OPLAH: variants seen among roughly 807,000 people sequenced by gnomAD.
OPLAH encodes the protein 5-oxoprolinase, ATP-hydrolysing.
OPLAH carries 103 observed loss-of-function variants against 122.8 expected under a neutral mutation model. The observed-to-expected ratio is 0.84, with a 90% confidence interval of 0.71 to 0.99. The LOEUF is 0.99. Among genes scored for constraint, OPLAH ranks in the 50% least tolerant of loss-of-function variants. The pLI, the probability that OPLAH is intolerant of heterozygous loss-of-function variation, is 0.00. For missense variants in OPLAH, 1,902 were observed against 1,836.5 expected (o/e 1.04, Z -0.65); for synonymous variants, 875 against 796.0 (o/e 1.10, Z -1.67).
chr8:144,056,926 C>T, intron 12 of OPLAH, 22 bp downstream of exon 12: 1 of 1,557,566 alleles, frequency 6.4e-7, no homozygotes, highest in Non-Finnish European at 8.7e-7. Context: ...AGCCCTCTGT[C>T]CAGGGCACCC....
At chr8:144,063,471 C>T (rs758685068), upstream of OPLAH, among the ~76,000 whole-genome samples, 13 of 152,226 alleles carry the variant, frequency 8.5e-5, no homozygotes, top group Non-Finnish European at 1.3e-4. This position sits in a 1 kb window ranked among gnomAD's most constrained non-coding sequence, Gnocchi z 4.2. Context: ...CTTGCACCCA[C>T]CTCAGGGCCT....
rs782018435 is a variant in OPLAH at position 144,056,393 on chromosome 8, C to T, written c.1975G>A (p.Val659Met). 38 of 1,604,212 alleles carry T rather than the reference C, an allele frequency of 2.4e-5. No homozygotes were observed. The highest frequency in any genetic ancestry group is 3.1e-5 in the Non-Finnish European group (37 of 1,176,060). Reference protein sequence around the residue: ...APKAQTGPPRVDKMTQCYFEG... With the variant: ...APKAQTGPPRMDKMTQCYFEG... ...CAGGCAGGACCACCAACCTTGTCCA[C>T]CCGGGGAGGCCCGGTCTGGGCTTTG... The change falls in exon 14 of 27, where the codon GTG becomes ATG. Residue 659 changes from valine (V) to methionine (M), a missense_variant. This residue lies in a region of OPLAH where 1,726 missense variants were observed against 1,642.1 expected (regional missense o/e 1.05). Transcript: ENST00000618853.
rs781796234 is a variant in OPLAH at position 144,058,475 on chromosome 8, G to A, written c.783+21C>T. On this transcript the variant is annotated intron_variant, in intron 6 of 26. Coordinates refer to ENST00000618853, the MANE Select transcript of OPLAH (RefSeq NM_017570.5). Reference sequence around the variant, plus strand: ...AGGCCCAGGCCCAGGAGTGGGCAGTGGGGGTGCCTCACAGCCTCACCTTGA... The same window carrying A: ...AGGCCCAGGCCCAGGAGTGGGCAGTAGGGGTGCCTCACAGCCTCACCTTGA... 2.5e-6 allele frequency: 4 copies of A among 1,576,278 alleles called. No homozygotes were observed. The East Asian group carries it at 6.7e-5, about 27-fold the overall frequency.
In OPLAH at chr8:144,052,723, A is replaced by G. The variant is rs1455528955; in HGVS notation, c.3153+43T>C. On this transcript the variant is annotated intron_variant, in intron 22 of 26. Transcript: ENST00000618853. ...GGGCCCAGGAGGCGCACTCAGGGTG[A>G]CCTCGGGCTGGGGCCCCCCCTCGCG... The G allele has an allele frequency of 7.1e-6, 11 of 1,552,206 alleles. 1 individual carries two copies. The Middle Eastern group carries it at 7.3e-4, about 103-fold the overall frequency.
chr8:144,053,595 G>A (rs1387663796), intron 19 of OPLAH, among the ~76,000 whole-genome samples: 2 of 152,054 alleles, frequency 1.3e-5, no homozygotes, highest in African/African-American at 2.4e-5. Flanking sequence ...TCTGCAGTGT[G>A]CCTGTGCATG....
intron 9 of OPLAH, 65 bp from the exon 10 acceptor site, chr8:144,057,778 G>T: frequency 1.2e-6 from 2 of 1,609,316 alleles, no homozygotes; most frequent in Admixed American, 1.7e-5. Flanking sequence ...AGGCAGCAGG[G>T]ATAGGGCTGA....
At position 144,057,456 on chromosome 8, in the gene OPLAH, G is replaced by A. The variant is rs1554759573; in HGVS notation, c.1414C>T (p.Leu472Phe). The A allele has an allele frequency of 6.3e-7, 1 of 1,587,250 alleles. No individual in the cohort carries two copies. Among genetic ancestry groups the A allele is most frequent in the Admixed American group, 1.8e-5 (1 of 55,654 alleles). Residue 472 changes from leucine (L) to phenylalanine (F), a missense_variant, in exon 10 of 27, where the codon CTC becomes TTC. Leu to Phe is a conservative substitution (Grantham distance 22, BLOSUM62 0). Coordinates refer to ENST00000618853, the MANE Select transcript of OPLAH (RefSeq NM_017570.5). ...AGCAGAGGTGGACGTACCTGCGTGA[G>A]TGCACGGATGGGCCGGCACATGGCC... ...NEAMCRPIRA[L>F]TQARGHDPSA...
rs782808832 is a variant in OPLAH, at chr8:144,057,530, G to A, written c.1340C>T (p.Pro447Leu). Residue 447 changes from proline (P) to leucine (L), a missense_variant, in exon 10 of 27, where the codon CCG (proline) becomes CTG (leucine). Pro to Leu is a moderately conservative substitution (Grantham distance 98). Around this residue, in one of 3 missense-constraint regions of OPLAH, gnomAD observed 1,726 missense variants for 1,642.1 expected, o/e 1.05. Transcript: ENST00000618853. ...CATGGCCACCTCCTCCAGGCTCAGC[G>A]GGGAGGCCGGGCAGGGCCCGTTGGT... ...FLTNGPCPAS[P>L]LSLEEVAMGF... 52 of 1,596,494 alleles carry A rather than the reference G, an allele frequency of 3.3e-5. No homozygotes were observed. The highest frequency in any genetic ancestry group is 1.6e-4 in the Admixed American group (9 of 57,324).
Position 144,051,461 on chromosome 8 carries a change from A to T in OPLAH, c.3732T>A (p.Cys1244Ter), listed in dbSNP as rs1554757625. ...SVTVYPGDVF[C>*]LHTPGGGGYG... ...AGCCACCGCCGCCGGGCGTGTGGAG[A>T]CAGAACACATCCTGTTGGCGCGGGG... The change falls in exon 27 of 27, where the codon TGT becomes TGA. Residue 1244 changes from cysteine to a stop codon, truncating the protein, a stop_gained. Transcript: ENST00000618853. LOFTEE classifies it high-confidence loss of function. 1 of 1,393,610 alleles carries T rather than the reference A, an allele frequency of 7.2e-7. No individual in the cohort carries two copies. The highest frequency in any genetic ancestry group is 9.5e-7 in the Non-Finnish European group (1 of 1,055,404). The allele number at this position is 1,393,610 out of a possible 1,614,324, so 86.3% of individuals were successfully genotyped here.
rs1554757949 is a variant in OPLAH at position 144,052,567 on chromosome 8, G to A, written c.3185C>T (p.Pro1062Leu). 6 of 1,597,130 alleles carry A rather than the reference G, an allele frequency of 3.8e-6. No homozygotes were observed. Among genetic ancestry groups the A allele is most frequent in the Middle Eastern group, 1.7e-4 (1 of 5,960 alleles). ...CGACGGGTCCAGGATGGAGCCTCGG[G>A]GAATGACCACGCGCACTGGCGCCAG... ...GCLAPVRVVI[P>L]RGSILDPSPE... Residue 1062 changes from proline to leucine, a missense_variant, in exon 23 of 27, where the codon CCC (proline) becomes CTC (leucine). By Grantham distance (98) the Pro-to-Leu change is moderately conservative. Transcript: ENST00000618853.
Position 144,058,317 on chromosome 8 carries a change from C to T in OPLAH, c.871G>A (p.Ala291Thr), listed in dbSNP as rs1554759933. The T allele has an allele frequency of 6.2e-7, 1 of 1,603,368 alleles. No homozygotes were observed. The highest frequency in any genetic ancestry group is 1.3e-5 in the African/African-American group (1 of 74,872). The part of the protein sequence containing the change: ...SGSSAVLSGP[A>T]GGVVGYSATT... ...GCTGAGTAGCCCACCACGCCGCCGG[C>T]CGGGCCCGAGAGCACAGCACTGGAG... is the stretch of plus-strand genomic sequence containing the variant. The change falls in exon 7 of 27, where the codon GCC (alanine) becomes ACC (threonine). Residue 291 changes from alanine (A) to threonine (T), a missense_variant. Physicochemically the swap from Ala to Thr is moderately conservative, Grantham distance 58. Transcript: ENST00000618853.
chr8:144,053,328 C>T lies in OPLAH; in HGVS notation c.2752G>A (p.Asp918Asn), dbSNP rs1480839952. Residue 918 changes from aspartate to asparagine, a missense_variant, in exon 20 of 27, where the codon GAC becomes AAC. This residue lies in a region of OPLAH where 1,726 missense variants were observed against 1,642.1 expected (regional missense o/e 1.05). Transcript: ENST00000618853. ...TGGGCACGGAGGTCCGACAGGTTGT[C>T]GTGCAGGTTTCTGGTTCCGCTGCAG... is the stretch of plus-strand genomic sequence containing the variant. ...PNCSGTRNLH[D>N]NLSDLRAQVA... The T allele has an allele frequency of 5.0e-6, 8 of 1,612,782 alleles. No individual in the cohort carries two copies. Among genetic ancestry groups the T allele is most frequent in the Non-Finnish European group, 5.1e-6 (6 of 1,179,786 alleles).
intron 8 of OPLAH, 22 bp from the exon 9 acceptor site, chr8:144,057,945 G>A: frequency 6.2e-7 from 1 of 1,611,970 alleles, no homozygotes; most frequent in Non-Finnish European, 8.5e-7. Context: ...AAGGGCTGGG[G>A]TTGGAGTTGG....
chr8:144,051,274 G>C lies in OPLAH; in HGVS notation c.*52C>G. 1 of 1,604,570 alleles carries C rather than the reference G, an allele frequency of 6.2e-7. No homozygotes were observed. Among genetic ancestry groups the C allele is most frequent in the Non-Finnish European group, 8.5e-7 (1 of 1,176,776 alleles). On this transcript the variant is annotated 3_prime_UTR_variant, in exon 27 of 27. Coordinates refer to ENST00000618853, the MANE Select transcript of OPLAH (RefSeq NM_017570.5). ...CGACTCGGAGCACGAACTAGGCGCCGTAGCTGCGTCCCCAGAACCGGGAGA... is the reference window on the plus strand; with the variant it reads ...CGACTCGGAGCACGAACTAGGCGCCCTAGCTGCGTCCCCAGAACCGGGAGA...
rs1835375190 is a variant in OPLAH at position 144,051,492 on chromosome 8, C to CGG, written c.3721-22_3721-21dup. The CGG allele has an allele frequency of 4.8e-6, 2 of 414,478 alleles. No homozygotes were observed. Among genetic ancestry groups the CGG allele is most frequent in the African/African-American group, 9.1e-5 (2 of 21,984 alleles). The allele number at this position is 414,478 out of a possible 1,614,324, so 25.7% of individuals were successfully genotyped here. On this transcript the variant is annotated intron_variant, in intron 26 of 26. Coordinates refer to ENST00000618853, the MANE Select transcript of OPLAH (RefSeq NM_017570.5). Reference sequence around the variant, plus strand: ...CACATCCTGTTGGCGCGGGGGGGGGCGGGGAGGCGGGCTCAGTGCAGGCGT... The same window carrying CGG: ...CACATCCTGTTGGCGCGGGGGGGGGCGGGGGGAGGCGGGCTCAGTGCAGGCGT...
rs1835439297 is a variant in OPLAH, at chr8:144,053,470, A to G, written c.2687-77T>C. 20 of 1,417,598 alleles carry G rather than the reference A, an allele frequency of 1.4e-5. 1 individual carries two copies. In the South Asian group the frequency reaches 2.6e-4, roughly 19 times the overall value. 87.8% of individuals were successfully genotyped at this position (1,417,598 alleles called of 1,614,324 possible). A position where few individuals can be genotyped will look rare whatever the true frequency, so the allele number is the denominator to read the frequency against. On this transcript the variant is annotated intron_variant, in intron 19 of 26. Transcript: ENST00000618853. ...CAACCCAGGTTTCCCAGATCCAGAC[A>G]AGGTCTCTGGCCCCTAGAAAGCACC... is the stretch of plus-strand genomic sequence containing the variant.
rs1554760604 is a variant in OPLAH at position 144,060,146 on chromosome 8, C to T, written c.-53-61G>A. 4 of 1,219,640 alleles carry T rather than the reference C, an allele frequency of 3.3e-6. No homozygotes were observed. The African/African-American group carries it at 6.1e-5, about 19-fold the overall frequency. The allele number at this position is 1,219,640 out of a possible 1,614,324, so 75.6% of individuals were successfully genotyped here. On this transcript the variant is annotated intron_variant, in intron 1 of 26. Transcript: ENST00000618853. ...GAGTGGGACTAGAGGCTCCCCAGCC[C>T]TGCGCATGCGGGGGGTTCCTGAGGG...
Position 144,051,797 on chromosome 8 carries a change from G to C in OPLAH, c.3652C>G (p.Leu1218Val), listed in dbSNP as rs1554757721. 2 of 1,604,072 alleles carry C rather than the reference G, an allele frequency of 1.2e-6. No individual in the cohort carries two copies. The highest frequency in any genetic ancestry group is 4.5e-5 in the East Asian group (2 of 44,550). The change falls in exon 26 of 27, where the codon CTG (leucine) becomes GTG (valine). Residue 1218 changes from leucine (L) to valine (V), a missense_variant. Transcript: ENST00000618853. ...GGEPGARGLN[L>V]LIRKNGRTVN... ...GTCCGGCCGTTTTTGCGGATCAGCA[G>C]GTTTAGGCCGCGGGCGCCAGGCTCG...
In OPLAH at chr8:144,052,466, C is replaced by T. The variant is rs782051571; in HGVS notation, c.3286G>A (p.Ala1096Thr). 7 of 1,544,914 alleles carry T rather than the reference C, an allele frequency of 4.5e-6. No homozygotes were observed. The Admixed American group carries it at 1.4e-4, about 30-fold the overall frequency. Residue 1096 changes from alanine (A) to threonine (T), a missense_variant, in exon 23 of 27, where the codon GCC (alanine) becomes ACC (threonine). Physicochemically the swap from Ala to Thr is moderately conservative, Grantham distance 58. Coordinates refer to ENST00000618853, the MANE Select transcript of OPLAH (RefSeq NM_017570.5). Reference sequence around the variant, plus strand: ...CCCCGCACCTGGGAGGCGGCGCAGGCCCCAAAGGCCCCCAGGATGACATCC... The same window carrying T: ...CCCCGCACCTGGGAGGCGGCGCAGGTCCCAAAGGCCCCCAGGATGACATCC... ...VVDVILGAFG[A>T]CAASQGCMNN...
Sources: gnomAD v4.1 joint callset for allele counts (sites outside exome capture counted in the v4.1 genomes callset) on GRCh38, gnomAD v4.1.1 for gene constraint, gnomAD v4.1.1 regional missense constraint, Gnocchi (gnomAD v3.1) non-coding constraint, MANE v1.5 for transcripts, NCBI Gene and HGNC (gene_info 2026-07-23, HGNC 2026-07-21) for gene names.